The following HNF4G variants were observed in gnomAD, a reference collection of about 807,000 sequenced individuals.
HNF4G encodes hepatocyte nuclear factor 4 gamma.
In HNF4G, 21 loss-of-function variants were observed where a neutral mutation model predicts 50.9. The ratio of observed to expected loss-of-function variants is 0.41; its 90% confidence interval spans 0.29 to 0.59. HNF4G has a LOEUF of 0.59. Among genes scored for constraint, HNF4G ranks in the 20% least tolerant of loss-of-function variants. HNF4G has a pLI of 0.26. For synonymous variants in HNF4G, 198 were observed against 185.6 expected, an observed-to-expected ratio of 1.07 and a Z score of -0.54; for missense variants, 527 against 559.4, an observed-to-expected ratio of 0.94 and a Z score of 0.58.
intron 1 of HNF4G, among the ~76,000 whole-genome samples, chr8:75,424,844 C>T (rs575136431): frequency 4.6e-5 from 7 of 152,196 alleles, no homozygotes; most frequent in South Asian, 2.1e-4. Flanking sequence ...AATAGAGCTG[C>T]GATGAACATA....
intron 1 of HNF4G, among the ~76,000 whole-genome samples, chr8:75,438,965 A>G (rs1811206704): frequency 6.6e-6 from 1 of 152,026 alleles, no homozygotes; most frequent in South Asian, 2.1e-4. Context: ...AAAACCATTT[A>G]TAGAGATCTT....
intron 1 of HNF4G, among the ~76,000 whole-genome samples, chr8:75,542,602 A>G (rs1366114232): frequency 6.6e-6 from 1 of 151,162 alleles, no homozygotes; most frequent in African/African-American, 2.4e-5. Context: ...GTGGTACCAG[A>G]TACTGGGATC....
chr8:75,481,220 A>G (rs1812369828), intron 1 of HNF4G, among the ~76,000 whole-genome samples: 1 of 152,128 alleles, frequency 6.6e-6, no homozygotes, highest in African/African-American at 2.4e-5. Flanking sequence ...TTACATCTGA[A>G]ATTTCTTTAC....
chr8:75,416,890 G>A (rs545144635), intron 1 of HNF4G, among the ~76,000 whole-genome samples: 2 of 152,282 alleles, frequency 1.3e-5, no homozygotes, highest in African/African-American at 4.8e-5. Flanking sequence ...GAGCATGTTA[G>A]CAAACTTCCT....
chr8:75,422,036 G>T (rs1256609630), intron 1 of HNF4G, among the ~76,000 whole-genome samples: 1 of 152,062 alleles, frequency 6.6e-6, no homozygotes, highest in Admixed American at 6.5e-5. Context: ...AGTAGCAAAA[G>T]AACTTTAGGG....
At chr8:75,475,520 GTGTT>G (rs945326212) in intron 1 of HNF4G, among the ~76,000 whole-genome samples, 1 of 152,148 alleles carries the variant, frequency 6.6e-6, no homozygotes, top group Non-Finnish European at 1.5e-5. Flanking sequence ...ATGTATGTGT[GTGTT>G]TGTGTGTGTG....
intron 2 of HNF4G, among the ~76,000 whole-genome samples, chr8:75,513,178 C>T (rs1805801819): frequency 6.6e-6 from 1 of 152,008 alleles, no homozygotes; most frequent in Admixed American, 6.6e-5. Flanking sequence ...GCTGGGACTA[C>T]AGGCTCCTAC....
intron 2 of HNF4G, among the ~76,000 whole-genome samples, chr8:75,494,868 A>T (rs1172487059): frequency 6.6e-6 from 1 of 152,116 alleles, no homozygotes; most frequent in Non-Finnish European, 1.5e-5. Flanking sequence ...TTAAAAAGGT[A>T]ACAAAAACAG....
At chr8:75,556,713 T>A (rs77641552) in intron 6 of HNF4G, among the ~76,000 whole-genome samples, 8,165 of 152,258 alleles carry the variant, frequency 0.054, 286 homozygotes, top group Non-Finnish European at 0.08. Flanking sequence ...CTTCTGACAC[T>A]TACTAGCTCT....
chr8:75,519,614 G>C (rs891245134), intron 2 of HNF4G, among the ~76,000 whole-genome samples: 1 of 152,152 alleles, frequency 6.6e-6, no homozygotes, highest in Non-Finnish European at 1.5e-5. Flanking sequence ...ACTATCATGA[G>C]AACAGCATGG....
At chr8:75,448,631 T>G (rs932617020) in intron 1 of HNF4G, among the ~76,000 whole-genome samples, 5 of 151,866 alleles carry the variant, frequency 3.3e-5, no homozygotes, top group Non-Finnish European at 7.4e-5. Context: ...TGATAAGTAC[T>G]GCTGGATACT....
chr8:75,470,989 T>C (rs537233711), intron 1 of HNF4G, among the ~76,000 whole-genome samples: 3 of 152,330 alleles, frequency 2.0e-5, no homozygotes, highest in East Asian at 3.9e-4. Flanking sequence ...TAATCACTCA[T>C]ACATTCAGTG....
At chr8:75,509,470 G>C (rs1050370033) in intron 2 of HNF4G, among the ~76,000 whole-genome samples, 3 of 152,180 alleles carry the variant, frequency 2.0e-5, no homozygotes, top group Non-Finnish European at 2.9e-5. Context: ...CTATTACATA[G>C]TGCATTATGG....
chr8:75,475,604 T>A (rs938658353), intron 1 of HNF4G, among the ~76,000 whole-genome samples: 2 of 152,212 alleles, frequency 1.3e-5, no homozygotes, highest in African/African-American at 4.8e-5. Flanking sequence ...TAAATAAACA[T>A]GTGAGGTTAT....
rs142844346 is a variant in HNF4G at position 75,564,117 on chromosome 8, G to A, written c.*21G>A. The A allele has an allele frequency of 8.2e-4, 1,316 of 1,611,252 alleles. 34 individuals are homozygous for A. The East Asian group carries it at 0.022, about 27-fold the overall frequency. On this transcript the variant is annotated 3_prime_UTR_variant, in exon 10 of 10. Transcript: ENST00000396423. ...TGTGAAAATGTGTTTACTTCAGAACGGCACTACATAAATGTGAAAAGTTGT... is the reference window on the plus strand; with the variant it reads ...TGTGAAAATGTGTTTACTTCAGAACAGCACTACATAAATGTGAAAAGTTGT...
intron 2 of HNF4G, 110 bp downstream of exon 2, chr8:75,544,089 T>A: frequency 1.1e-6 from 1 of 913,428 alleles, no homozygotes; most frequent in Non-Finnish European, 1.6e-6. Flanking sequence ...AGTCTATAAA[T>A]ACAATCTCTA....
At chr8:75,486,327 G>T (rs1812496455) in intron 1 of HNF4G, among the ~76,000 whole-genome samples, 1 of 152,134 alleles carries the variant, frequency 6.6e-6, no homozygotes, top group Admixed American at 6.5e-5. Flanking sequence ...CTCTTATAGA[G>T]ACCTCAACAT....
chr8:75,485,010 G>GT, intron 1 of HNF4G, among the ~76,000 whole-genome samples: 1 of 152,282 alleles, frequency 6.6e-6, no homozygotes, highest in Non-Finnish European at 1.5e-5. Flanking sequence ...GCCGCCAATT[G>GT]TAAGTGGTTG....
intron 2 of HNF4G, among the ~76,000 whole-genome samples, chr8:75,514,595 T>C (rs1190591379): frequency 6.6e-6 from 1 of 152,020 alleles, no homozygotes; most frequent in East Asian, 1.9e-4. Flanking sequence ...TTGGGATTTG[T>C]CTGCTTTGGC....
Sources: allele counts gnomAD v4.1 joint callset (sites outside exome capture counted in the v4.1 genomes callset), GRCh38; gene constraint gnomAD v4.1.1; transcripts MANE v1.5; gene names NCBI Gene and HGNC (gene_info 2026-07-23, HGNC 2026-07-21).